The following TNNI3K variants were observed in gnomAD, a reference collection of about 807,000 sequenced individuals.
TNNI3K encodes serine/threonine-protein kinase TNNI3K.
TNNI3K carries 140 observed loss-of-function variants against 114.5 expected under a neutral mutation model. The ratio of observed to expected loss-of-function variants is 1.22; its 90% CI spans 1.07 to 1.41. TNNI3K has a LOEUF of 1.41. Among genes scored for constraint, TNNI3K ranks in the 40% most tolerant of loss-of-function variants. The probability of loss-of-function intolerance (pLI) is 0.00; values close to 1 mark genes in which losing one functional copy is unlikely to be tolerated. For synonymous variants in TNNI3K, 347 were observed against 347.5 expected, an observed-to-expected ratio of 1.00 and a Z score of 0.02; for missense variants, 1,125 against 1,007.6, an observed-to-expected ratio of 1.12 and a Z score of -1.58.
intron 23 of TNNI3K, among the ~76,000 whole-genome samples, chr1:74,516,902 G>A (rs1229427778): frequency 6.6e-6 from 1 of 152,038 alleles, no homozygotes; most frequent in Non-Finnish European, 1.5e-5. Context: ...ATCAACAATT[G>A]TTAACTACAT....
chr1:74,294,028 C>T (rs1247767206), intron 5 of TNNI3K, among the ~76,000 whole-genome samples: 1 of 151,656 alleles, frequency 6.6e-6, no homozygotes, highest in Non-Finnish European at 1.5e-5. Context: ...GGATTCCTAA[C>T]ATAAGTTGCA....
intron 20 of TNNI3K, among the ~76,000 whole-genome samples, chr1:74,442,448 T>G (rs1666418905): frequency 6.6e-6 from 1 of 152,104 alleles, no homozygotes; most frequent in East Asian, 1.9e-4. Flanking sequence ...AGATTTTTTT[T>G]GCTTTTCCAT....
intron 5 of TNNI3K, among the ~76,000 whole-genome samples, chr1:74,302,101 C>G (rs1014889609): frequency 1.3e-5 from 2 of 152,196 alleles, no homozygotes; most frequent in African/African-American, 4.8e-5. Flanking sequence ...AAAGCCTGTA[C>G]TCATTTCATG....
In TNNI3K at chr1:74,489,226, A is replaced by G. The variant is rs537212164; in HGVS notation, c.2159A>G (p.Glu720Gly). Residue 720 changes from glutamate (E) to glycine (G), a missense_variant, in exon 22 of 25, where the codon GAA (glutamate) becomes GGA (glycine). Transcript: ENST00000326637. Reference protein sequence around the residue: ...PEFSEVVMKLEECLCNIELMS... With the variant: ...PEFSEVVMKLGECLCNIELMS... ...TTTTCTGAAGTTGTCATGAAGTTAG[A>G]AGAGTGTCTCTGCAACATTGAGGTA... 21 of 1,612,302 alleles carry G rather than the reference A, an allele frequency of 1.3e-5. No homozygotes were observed. In the East Asian group the frequency reaches 4.2e-4, roughly 33 times the overall value.
chr1:74,412,348 C>G (rs1046144534), intron 17 of TNNI3K, among the ~76,000 whole-genome samples: 1 of 152,192 alleles, frequency 6.6e-6, no homozygotes, highest in African/African-American at 2.4e-5. Context: ...AGGACTTAGA[C>G]AAGTGACTTA....
rs1004121084 is a variant in TNNI3K at position 74,240,636 on chromosome 1, G to A, written c.149+4426G>A. On this transcript the variant is annotated intron_variant, in intron 2 of 24. Transcript: ENST00000326637. ...CAAATGTTTTCAATTAAATTATTTT[G>A]TTTCAATAGTTTTTATCATAATAAA... is the stretch of plus-strand genomic sequence containing the variant. 4 of 151,836 alleles carry A rather than the reference G, an allele frequency of 2.6e-5. No homozygotes were observed. In the South Asian group the frequency reaches 8.3e-4, roughly 32 times the overall value. The allele number at this position is 151,836 out of a possible 1,614,324, so 9.4% of individuals were successfully genotyped here. A position where few individuals can be genotyped will look rare whatever the true frequency, so the allele number is the denominator to read the frequency against.
intron 17 of TNNI3K, among the ~76,000 whole-genome samples, chr1:74,390,404 TA>T (rs893353726): frequency 5.9e-5 from 9 of 152,206 alleles, no homozygotes; most frequent in African/African-American, 2.2e-4. Context: ...TCTCTAATTA[TA>T]AAAGGTACAG....
Position 74,302,609 on chromosome 1 carries a change from A to G in TNNI3K, c.445-28841A>G, listed in dbSNP as rs569797343. ...AACAGCCTTATTGCTGATACGGAGGAAGTTTTAGCAATATGGATAGAAAGT... is the reference window on the plus strand; with the variant it reads ...AACAGCCTTATTGCTGATACGGAGGGAGTTTTAGCAATATGGATAGAAAGT... On this transcript the variant is annotated intron_variant, in intron 5 of 24. Coordinates refer to ENST00000326637, the MANE Select transcript of TNNI3K (RefSeq NM_015978.3). Among the ~76,000 whole-genome samples the G allele has an allele frequency of 4.5e-4, 68 of 152,332 alleles. 2 individuals carry two copies. In the South Asian group the frequency reaches 0.013, roughly 30 times the overall value.
intron 22 of TNNI3K, among the ~76,000 whole-genome samples, chr1:74,490,040 T>A (rs1028459874): frequency 9.8e-5 from 3 of 30,602 alleles, no homozygotes; most frequent in Non-Finnish European, 1.5e-4. Flanking sequence ...AAAAGCAGGA[T>A]TTTTTTTTCT....
intron 11 of TNNI3K, among the ~76,000 whole-genome samples, chr1:74,366,988 T>C (rs549461942): frequency 7.2e-5 from 11 of 152,132 alleles, no homozygotes; most frequent in Non-Finnish European, 1.0e-4. Flanking sequence ...CATTGTAAGC[T>C]TCTTAAGGGT....
intron 20 of TNNI3K, among the ~76,000 whole-genome samples, chr1:74,444,076 A>C (rs1666514384): frequency 6.6e-6 from 1 of 152,240 alleles, no homozygotes; most frequent in South Asian, 2.1e-4. Context: ...AAAAGCTGGA[A>C]GCATTCCCCT....
chr1:74,435,972 C>T, intron 17 of TNNI3K, 108 bp from the exon 18 acceptor site: 1 of 1,423,536 alleles, frequency 7.0e-7, no homozygotes, highest in Non-Finnish European at 9.4e-7. Context: ...CATTTATTCT[C>T]TAGGGCAAAC....
At chr1:74,461,480 G>GAAA (rs1347271448) in intron 20 of TNNI3K, among the ~76,000 whole-genome samples, 1 of 118,394 alleles carries the variant, frequency 8.4e-6, no homozygotes, top group African/African-American at 3.8e-5. Flanking sequence ...ACTCTGTCTC[G>GAAA]AGAAAAAAAA....
intron 21 of TNNI3K, chr1:74,470,470 A>G: frequency 2.5e-6 from 1 of 400,686 alleles, no homozygotes; most frequent in Non-Finnish European, 4.4e-6. Context: ...ACTATTGGTT[A>G]GGTGCCAAAC....
At chr1:74,411,789 G>T (rs796470053) in intron 17 of TNNI3K, among the ~76,000 whole-genome samples, 12 of 152,266 alleles carry the variant, frequency 7.9e-5, no homozygotes, top group African/African-American at 2.9e-4. Context: ...TGTTGGAGGA[G>T]TGAGCATTGA....
intron 23 of TNNI3K, among the ~76,000 whole-genome samples, chr1:74,521,510 G>T (rs951191592): frequency 5.4e-4 from 82 of 151,274 alleles, no homozygotes; most frequent in Non-Finnish European, 1.5e-4. Context: ...ATGTATGTGT[G>T]TATGTGTATA....
intron 23 of TNNI3K, among the ~76,000 whole-genome samples, chr1:74,515,303 G>A (rs1646333591): frequency 6.6e-6 from 1 of 152,090 alleles, no homozygotes; most frequent in Non-Finnish European, 1.5e-5. Flanking sequence ...CCTTCCTGAG[G>A]GTCATAGTCA....
At position 74,370,272 on chromosome 1, in the gene TNNI3K, T is replaced by G. The variant is rs1662525358; in HGVS notation, c.1668-16T>G. The G allele has an allele frequency of 1.3e-6, 2 of 1,572,196 alleles. No homozygotes were observed. Among genetic ancestry groups the G allele is most frequent in the Admixed American group, 3.6e-5 (2 of 55,296 alleles). On this transcript the variant is annotated splice_polypyrimidine_tract_variant and intron_variant, in intron 16 of 24. Coordinates refer to ENST00000326637, the MANE Select transcript of TNNI3K (RefSeq NM_015978.3). ...TTGACCATTTCATCTCTGTTAAATC[T>G]ATTTTTAAATTCTAGGATTCTTGAT...
At chr1:74,391,954 A>ATTTTTTTTTTTTTTTTTTTTT (rs1557539031) in intron 17 of TNNI3K, among the ~76,000 whole-genome samples, 1 of 93,260 alleles carries the variant, frequency 1.1e-5, no homozygotes, top group African/African-American at 5.7e-5. Flanking sequence ...GGTACAGCTT[A>ATTTTTTTTTTTTTTTTTTTTT]TTATTTTTTT....
Sources: allele counts gnomAD v4.1 joint callset (sites outside exome capture counted in the v4.1 genomes callset), GRCh38; gene constraint gnomAD v4.1.1; transcripts MANE v1.5; gene names NCBI Gene and HGNC (gene_info 2026-07-23, HGNC 2026-07-21).